The following CEP72 variants were observed in gnomAD, a reference collection of about 807,000 sequenced individuals.
CEP72 encodes the protein centrosomal protein of 72 kDa.
CEP72 carries 78 observed loss-of-function variants against 65.7 expected under a neutral mutation model. The observed-to-expected ratio is 1.19, with a 90% CI of 0.99 to 1.43. The LOEUF (loss-of-function observed/expected upper bound fraction) is 1.43, where lower values mean the gene tolerates loss of function less well. CEP72 is among the 40% of genes most tolerant of loss of function. The pLI, the probability that CEP72 is intolerant of heterozygous loss-of-function variation, is 0.00. For synonymous variants in CEP72, 358 were observed against 351.7 expected (o/e 1.02, Z -0.20); for missense variants, 914 against 832.9 (o/e 1.10, Z -1.20).
chr5:644,553 G>A (rs1418319748), intron 10 of CEP72, 128 bp downstream of exon 10: 2 of 1,100,154 alleles, frequency 1.8e-6, no homozygotes, highest in Non-Finnish European at 2.7e-6. Flanking sequence ...GTGGGGAGCC[G>A]AGCCCCTGCC....
chr5:622,519 A>C (rs1039761160), intron 3 of CEP72, among the ~76,000 whole-genome samples: 6 of 152,244 alleles, frequency 3.9e-5, no homozygotes, highest in Non-Finnish European at 8.8e-5. Context: ...CATCACTGAC[A>C]GGGAAGACCC....
rs143257918 is a variant in CEP72, at chr5:652,295, G to A, written c.1779-693G>A. Among the ~76,000 whole-genome samples, 541 of 152,322 alleles carry A rather than the reference G, an allele frequency of 3.6e-3. 3 individuals carry two copies. Among genetic ancestry groups the A allele is most frequent in the Middle Eastern group, 6.8e-3 (2 of 294 alleles). On this transcript the variant is annotated intron_variant, in intron 11 of 11. Transcript: ENST00000264935. ...CTGGCTTCATCCAGTCCTGGCCTGC[G>A]GCTCCTTTGCTGTCCAAGTGAACAG...
chr5:625,953 G>A (rs1168489860), intron 4 of CEP72, among the ~76,000 whole-genome samples: 1 of 152,024 alleles, frequency 6.6e-6, no homozygotes, highest in Non-Finnish European at 1.5e-5. Context: ...ATGGCCTCAT[G>A]GTAATTTGAT....
intron 11 of CEP72, among the ~76,000 whole-genome samples, chr5:649,039 T>TG (rs1580021263): frequency 6.9e-6 from 1 of 144,534 alleles, no homozygotes; most frequent in Non-Finnish European, 1.5e-5. Context: ...GTGTGAGGTG[T>TG]GACTGTGAGG....
chr5:645,093 G>A lies in CEP72; in HGVS notation c.1666+668G>A, dbSNP rs888844536. Among the ~76,000 whole-genome samples, 3 of 152,058 alleles carry A rather than the reference G, an allele frequency of 2.0e-5. No homozygotes were observed. The highest frequency in any genetic ancestry group is 6.5e-5 in the Admixed American group (1 of 15,274). On this transcript the variant is annotated intron_variant, in intron 10 of 11. Transcript: ENST00000264935. This position sits in a 1 kb window ranked among gnomAD's most constrained non-coding sequence, Gnocchi z 4.0. ...CATACTTCCCTGAGATTGACAAGTC[G>A]AGCATCTCTTCCTGGTCTAGCCTCT...
chr5:624,590 A>T lies in CEP72; in HGVS notation c.512+11A>T, dbSNP rs374412488. On this transcript the variant is annotated intron_variant, in intron 4 of 11. Transcript: ENST00000264935. The surrounding 1 kb of genome is among the most constrained non-coding windows in gnomAD (Gnocchi z 4.7). ...TTTGAAAGAGGGCAGGTATGAACGG[A>T]AGTGCTACGGACACCCAGAGTGTTT... is the stretch of plus-strand genomic sequence containing the variant. The T allele has an allele frequency of 2.7e-5, 43 of 1,565,498 alleles. No individual in the cohort carries two copies. The highest frequency in any genetic ancestry group is 3.5e-5 in the Non-Finnish European group (40 of 1,135,758).
intron 9 of CEP72, chr5:641,217 G>T (rs974149514): frequency 5.1e-6 from 5 of 985,222 alleles, no homozygotes; most frequent in Non-Finnish European, 6.0e-6. Flanking sequence ...CACGGGACAG[G>T]ATCCTCCCAG....
chr5:616,831 T>TGTGCGC (rs1554010789), intron 1 of CEP72, among the ~76,000 whole-genome samples: 4 of 147,872 alleles, frequency 2.7e-5, no homozygotes, highest in South Asian at 2.1e-4. Context: ...TGTGTGTGTG[T>TGTGCGC]GCGCGCGAGT....
At chr5:636,423 A>G (rs1737602451) in intron 6 of CEP72, among the ~76,000 whole-genome samples, 2 of 152,248 alleles carry the variant, frequency 1.3e-5, no homozygotes, top group African/African-American at 2.4e-5. Context: ...GGCAATAGCT[A>G]CATTTTGAAA....
rs987182684 is a variant in CEP72 at position 623,286 on chromosome 5, C to T, written c.404-1185C>T. Among the ~76,000 whole-genome samples the T allele has an allele frequency of 3.4e-4, 52 of 152,244 alleles. 1 individual carries two copies. Among genetic ancestry groups the T allele is most frequent in the Admixed American group, 3.9e-4 (6 of 15,282 alleles). ...GTGGCGCTGGCAGTCAGAGGCGCTG[C>T]GGGAACCACGGAGGTGCGGGGCCCC... On this transcript the variant is annotated intron_variant, in intron 3 of 11. Coordinates refer to ENST00000264935, the MANE Select transcript of CEP72 (RefSeq NM_018140.4). The surrounding 1 kb of genome is among the most constrained non-coding windows in gnomAD (Gnocchi z 5.3).
At chr5:668,942 C>G (rs1397680342), downstream of CEP72, among the ~76,000 whole-genome samples, 1 of 152,192 alleles carries the variant, frequency 6.6e-6, no homozygotes, top group Non-Finnish European at 1.5e-5. Flanking sequence ...TTCCCAGACC[C>G]CAAGGCGGAT....
rs1489101760 is a variant in CEP72, at chr5:642,237, C to A, written c.1539+1633C>A. On this transcript the variant is annotated intron_variant, in intron 9 of 11. Coordinates refer to ENST00000264935, the MANE Select transcript of CEP72 (RefSeq NM_018140.4). ...CTGCATTTAAGCACACGTGGTCCCCCGTCCAGAAGCCTCTGCTTTTAAACC... is the reference window on the plus strand; with the variant it reads ...CTGCATTTAAGCACACGTGGTCCCCAGTCCAGAAGCCTCTGCTTTTAAACC... The A allele has an allele frequency of 1.4e-5, 11 of 773,452 alleles. 1 individual carries two copies. The highest frequency in any genetic ancestry group is 1.7e-5 in the Non-Finnish European group (11 of 657,582). The allele number at this position is 773,452 out of a possible 1,614,324, so 47.9% of individuals were successfully genotyped here. A position where few individuals can be genotyped will look rare whatever the true frequency, so the allele number is the denominator to read the frequency against.
chr5:660,994 A>C (rs765213870), downstream of CEP72: 1 of 152,396 alleles, frequency 6.6e-6, no homozygotes, highest in Non-Finnish European at 1.5e-5. Context: ...TATATCTTCT[A>C]CAATATTTTA....
At chr5:675,669 C>G in the CEP72 span, among the ~76,000 whole-genome samples, 2 of 151,914 alleles carry the variant, frequency 1.3e-5, no homozygotes, top group African/African-American at 4.8e-5. Context: ...GGGCTGAGCC[C>G]CAGCCCTTGT....
chr5:638,492 G>A (rs897888423), intron 7 of CEP72, among the ~76,000 whole-genome samples: 1 of 151,926 alleles, frequency 6.6e-6, no homozygotes, highest in Non-Finnish European at 1.5e-5. Flanking sequence ...AGAGGAGCTT[G>A]AAGGTGCGGA....
chr5:639,752 A>G (rs1405197949), intron 8 of CEP72, among the ~76,000 whole-genome samples: 1 of 152,160 alleles, frequency 6.6e-6, no homozygotes, highest in Non-Finnish European at 1.5e-5. Context: ...GGAGACCAGG[A>G]GATGCCGCGT....
intron 9 of CEP72, chr5:642,290 G>C: frequency 2.0e-6 from 2 of 983,906 alleles, no homozygotes; most frequent in Non-Finnish European, 2.4e-6. Context: ...GGAAGCCTCT[G>C]TATTTAAACA....
chr5:663,863 A>AGT (rs1739787301), intron 2 of CEP72: 1 of 152,412 alleles, frequency 6.6e-6, no homozygotes, highest in Non-Finnish European at 1.5e-5. Flanking sequence ...GCCAAGGGAC[A>AGT]GTGGCAGTGT....
downstream of CEP72, among the ~76,000 whole-genome samples, chr5:658,760 C>G (rs4956963): frequency 0.14 from 19,995 of 145,642 alleles, 1,717 homozygotes; most frequent in Admixed American, 0.2. Context: ...GCTCCGCCTC[C>G]CGGGTTCACG....
Sources: gnomAD v4.1 joint callset for allele counts (sites outside exome capture counted in the v4.1 genomes callset) on GRCh38, gnomAD v4.1.1 for gene constraint, Gnocchi (gnomAD v3.1) non-coding constraint, MANE v1.5 for transcripts, NCBI Gene and HGNC (gene_info 2026-07-23, HGNC 2026-07-21) for gene names.